KCNJ3: variants seen among roughly 807,000 people sequenced by gnomAD.
KCNJ3 encodes G protein-activated inward rectifier potassium channel 1.
Under a neutral mutation model 39.2 loss-of-function variants are expected in KCNJ3, and 4 were observed. That is an observed-to-expected ratio of 0.10 (90% confidence interval 0.05 to 0.23). The LOEUF is 0.23. KCNJ3 is among the 10% of genes least tolerant of loss of function. The pLI is 1.00. For missense variants in KCNJ3, 276 were observed against 634.9 expected, an observed-to-expected ratio of 0.43 and a Z score of 6.08; for synonymous variants, 230 against 237.4, an observed-to-expected ratio of 0.97 and a Z score of 0.29.
chr2:154,774,675 G>GA (rs35963180), intron 2 of KCNJ3, among the ~76,000 whole-genome samples: 2 of 151,876 alleles, frequency 1.3e-5, no homozygotes, highest in Non-Finnish European at 2.9e-5. Flanking sequence ...GTAATACATG[G>GA]AAAAAAACCT....
At chr2:154,760,187 G>C (rs755984525) in intron 2 of KCNJ3, among the ~76,000 whole-genome samples, 1 of 152,158 alleles carries the variant, frequency 6.6e-6, no homozygotes, top group Non-Finnish European at 1.5e-5. Context: ...CTGTATTACT[G>C]TGAAATGTTA....
At chr2:154,768,343 C>T (rs1686172716) in intron 2 of KCNJ3, among the ~76,000 whole-genome samples, 1 of 152,084 alleles carries the variant, frequency 6.6e-6, no homozygotes, top group African/African-American at 2.4e-5. Context: ...GTCTTTAACC[C>T]ATCTTGAATT....
At chr2:154,702,442 A>G (rs747360900) in intron 1 of KCNJ3, among the ~76,000 whole-genome samples, 1 of 151,956 alleles carries the variant, frequency 6.6e-6, no homozygotes, top group Admixed American at 6.6e-5. Flanking sequence ...AGACAATAAG[A>G]ACATGGGCAT....
intron 2 of KCNJ3, among the ~76,000 whole-genome samples, chr2:154,846,687 T>C (rs1271014690): frequency 6.6e-6 from 1 of 152,320 alleles, no homozygotes; most frequent in East Asian, 1.9e-4. Context: ...TTTCCTGTCA[T>C]GTTTTCTACC....
intron 2 of KCNJ3, among the ~76,000 whole-genome samples, chr2:154,797,027 A>C (rs1270958933): frequency 2.0e-5 from 3 of 152,130 alleles, no homozygotes; most frequent in Non-Finnish European, 4.4e-5. Context: ...TCACCTGTAC[A>C]AGGTGTAGGA....
chr2:154,744,386 G>A (rs1488663446), intron 2 of KCNJ3, among the ~76,000 whole-genome samples: 2 of 151,424 alleles, frequency 1.3e-5, no homozygotes, highest in Non-Finnish European at 1.5e-5. Context: ...TTTTTGGAAG[G>A]TATTGTTTAT....
rs1396874227 is a variant in KCNJ3, at chr2:154,857,541, C to CA, written c.*2234dup. The CA allele has an allele frequency of 1.3e-5, 2 of 151,584 alleles. No individual in the cohort carries two copies. Among genetic ancestry groups the CA allele is most frequent in the African/African-American group, 4.9e-5 (2 of 41,198 alleles). The allele number at this position is 151,584 out of a possible 1,614,324, so 9.4% of individuals were successfully genotyped here. On this transcript the variant is annotated 3_prime_UTR_variant, in exon 3 of 3. Coordinates refer to ENST00000295101, the MANE Select transcript of KCNJ3 (RefSeq NM_002239.4). Reference sequence around the variant, plus strand: ...TACCAGAAGGAGAGTGGGGAGGAGACAAAAAACAAATAAGACCACTTCAGA... The same window carrying CA: ...TACCAGAAGGAGAGTGGGGAGGAGACAAAAAAACAAATAAGACCACTTCAGA...
At chr2:154,746,648 A>G (rs913503907) in intron 2 of KCNJ3, among the ~76,000 whole-genome samples, 1 of 148,128 alleles carries the variant, frequency 6.8e-6, no homozygotes, top group Non-Finnish European at 1.5e-5. Flanking sequence ...ATGTGTATAT[A>G]TATGTGTGTG....
chr2:154,764,771 C>T (rs1686103563), intron 2 of KCNJ3, among the ~76,000 whole-genome samples: 1 of 151,590 alleles, frequency 6.6e-6, no homozygotes, highest in Non-Finnish European at 1.5e-5. Flanking sequence ...TGTTGGACCT[C>T]ATTCAAAGCC....
At chr2:154,750,448 G>A (rs538678786) in intron 2 of KCNJ3, among the ~76,000 whole-genome samples, 1 of 151,816 alleles carries the variant, frequency 6.6e-6, no homozygotes, top group Non-Finnish European at 1.5e-5. Flanking sequence ...GTTCCCTAAT[G>A]CAACGGTAAC....
intron 2 of KCNJ3, among the ~76,000 whole-genome samples, chr2:154,758,589 T>G (rs1396678575): frequency 6.6e-6 from 1 of 152,230 alleles, no homozygotes; most frequent in African/African-American, 2.4e-5. Flanking sequence ...AGTAGAGTCA[T>G]GACTATCCAT....
At chr2:154,776,555 G>A (rs1023937842) in intron 2 of KCNJ3, among the ~76,000 whole-genome samples, 1 of 152,060 alleles carries the variant, frequency 6.6e-6, no homozygotes, top group Middle Eastern at 3.4e-3. Flanking sequence ...AGTAAAACAG[G>A]TTCTTACCAT....
intron 2 of KCNJ3, among the ~76,000 whole-genome samples, chr2:154,720,236 C>T (rs1685246684): frequency 6.6e-6 from 1 of 151,972 alleles, no homozygotes; most frequent in South Asian, 2.1e-4. Flanking sequence ...CCAGGGGTGA[C>T]TTACCCTTGA....
chr2:154,760,169 T>C (rs551889879), intron 2 of KCNJ3, among the ~76,000 whole-genome samples: 1 of 152,346 alleles, frequency 6.6e-6, no homozygotes, highest in South Asian at 2.1e-4. Flanking sequence ...TTTAAAATTT[T>C]GGGCCAGCTG....
At chr2:154,801,568 T>C (rs1686818800) in intron 2 of KCNJ3, among the ~76,000 whole-genome samples, 1 of 151,604 alleles carries the variant, frequency 6.6e-6, no homozygotes, top group African/African-American at 2.4e-5. Context: ...TCTTTCTTTC[T>C]TTCTCTGTCT....
chr2:154,809,258 T>C (rs983421247), intron 2 of KCNJ3, among the ~76,000 whole-genome samples: 1 of 152,104 alleles, frequency 6.6e-6, no homozygotes, highest in Non-Finnish European at 1.5e-5. Flanking sequence ...CCAGGTTTTT[T>C]CTCCAGATCT....
intron 2 of KCNJ3, among the ~76,000 whole-genome samples, chr2:154,844,731 C>T (rs1029366355): frequency 3.9e-5 from 6 of 152,276 alleles, no homozygotes; most frequent in South Asian, 2.1e-4. Context: ...AGCAAGGCTC[C>T]GTGGGTGTGG....
intron 2 of KCNJ3, among the ~76,000 whole-genome samples, chr2:154,787,746 A>G (rs184400772): frequency 0.027 from 4,019 of 147,468 alleles, 79 homozygotes; most frequent in Non-Finnish European, 0.034. Context: ...TTTTCAACTC[A>G]AACATTTTTT....
At chr2:154,705,011 G>A (rs531051698) in intron 1 of KCNJ3, among the ~76,000 whole-genome samples, 22 of 152,272 alleles carry the variant, frequency 1.4e-4, no homozygotes, top group Non-Finnish European at 2.5e-4. Context: ...CACTGGCCCT[G>A]TGGGCCCTTT....
Sources: gnomAD v4.1 joint callset for allele counts (sites outside exome capture counted in the v4.1 genomes callset) on GRCh38, gnomAD v4.1.1 for gene constraint, MANE v1.5 for transcripts, NCBI Gene and HGNC (gene_info 2026-07-23, HGNC 2026-07-21) for gene names.